DLC1: variants seen among roughly 807,000 people sequenced by gnomAD.
The protein encoded by DLC1 is DLC1 Rho GTPase activating protein, also known as rho GTPase-activating protein 7.
Under a neutral mutation model 140.3 loss-of-function variants are expected in DLC1, and 54 were observed. The ratio of observed to expected loss-of-function variants is 0.38; its 90% CI spans 0.31 to 0.48. The LOEUF is 0.48. DLC1 is among the 20% of genes least tolerant of loss of function. The pLI is 0.96. For synonymous variants in DLC1, 986 were observed against 728.1 expected (o/e 1.35, Z -5.70); for missense variants, 2,536 against 1,907.0 (o/e 1.33, Z -6.14).
At chr8:13,198,466 T>C (rs556936583) in intron 5 of DLC1, among the ~76,000 whole-genome samples, 56 of 152,356 alleles carry the variant, frequency 3.7e-4, no homozygotes, top group African/African-American at 1.3e-3. Context: ...AAAGAATGTT[T>C]GTTTGTTTTC....
chr8:13,131,769 A>T (rs1028271056), intron 5 of DLC1, among the ~76,000 whole-genome samples: 1 of 152,140 alleles, frequency 6.6e-6, no homozygotes. Flanking sequence ...CAGATGAAGG[A>T]GGCACAGCGA....
chr8:13,575,824 C>G (rs1426336880), intron 1 of DLC1, among the ~76,000 whole-genome samples: 1 of 152,128 alleles, frequency 6.6e-6, no homozygotes, highest in Non-Finnish European at 1.5e-5. Context: ...TCATTATGAA[C>G]AATATCTGGA....
At chr8:13,356,030 C>T (rs540993909) in intron 4 of DLC1, among the ~76,000 whole-genome samples, 1 of 122,452 alleles carries the variant, frequency 8.2e-6, no homozygotes, top group Non-Finnish European at 1.6e-5. Context: ...GCGGAGGTTG[C>T]AGTGAGCCGG....
At chr8:13,510,199 A>G (rs1585226035) in intron 1 of DLC1, among the ~76,000 whole-genome samples, 1 of 144,650 alleles carries the variant, frequency 6.9e-6, no homozygotes, top group East Asian at 2.0e-4. Flanking sequence ...CCTGAGATGA[A>G]GTTTTGCTCT....
chr8:13,098,694 C>A, intron 9 of DLC1, 119 bp from the exon 10 acceptor site: 1 of 1,068,622 alleles, frequency 9.4e-7, no homozygotes, highest in Non-Finnish European at 1.3e-6. Context: ...CAGCTCACTG[C>A]AGCCTTGAAC....
chr8:13,336,414 G>A (rs1833812798), intron 4 of DLC1, among the ~76,000 whole-genome samples: 2 of 152,130 alleles, frequency 1.3e-5, no homozygotes, highest in African/African-American at 4.8e-5. Context: ...CACAATTCCA[G>A]GAGAAAGTTT....
chr8:13,298,255 C>T (rs1279412099), intron 5 of DLC1, among the ~76,000 whole-genome samples: 1 of 152,154 alleles, frequency 6.6e-6, no homozygotes, highest in Non-Finnish European at 1.5e-5. Flanking sequence ...AGGAAAGCAA[C>T]CAAAGTCAGG....
chr8:13,213,611 C>T (rs1828052403), intron 5 of DLC1, among the ~76,000 whole-genome samples: 1 of 152,174 alleles, frequency 6.6e-6, no homozygotes, highest in Non-Finnish European at 1.5e-5. Flanking sequence ...AAAGAAACCA[C>T]ATAGCAGCTT....
intron 5 of DLC1, chr8:13,214,643 C>T: frequency 1.3e-6 from 1 of 770,920 alleles, no homozygotes. Context: ...ATGTTTTCTT[C>T]TCCAGCAACA....
intron 5 of DLC1, among the ~76,000 whole-genome samples, chr8:13,181,469 A>G (rs911832095): frequency 6.6e-6 from 1 of 151,098 alleles, no homozygotes; most frequent in Non-Finnish European, 1.5e-5. Context: ...TATTTCTCCT[A>G]ATGCTATCCC....
chr8:13,212,093 A>G (rs375040607), intron 5 of DLC1, among the ~76,000 whole-genome samples: 11 of 152,314 alleles, frequency 7.2e-5, no homozygotes, highest in African/African-American at 2.6e-4. Context: ...TCAACAAGTT[A>G]TGTTATAAAT....
At chr8:13,205,683 A>G (rs60552429) in intron 5 of DLC1, among the ~76,000 whole-genome samples, 2 of 152,232 alleles carry the variant, frequency 1.3e-5, no homozygotes, top group African/African-American at 2.4e-5. Flanking sequence ...GCTGCATTCA[A>G]AGCTGTCTTG....
chr8:13,089,400 G>A (rs1351509136), intron 15 of DLC1, among the ~76,000 whole-genome samples: 1 of 151,906 alleles, frequency 6.6e-6, no homozygotes, highest in Non-Finnish European at 1.5e-5. Context: ...GGCCAAGGTG[G>A]GCAGTCACAA....
rs1186857666 is a variant in DLC1, at chr8:13,094,925, G to C, written c.3360C>G (p.Ser1120=). Residue 1120 remains serine, a synonymous_variant, in exon 12 of 18, where the codon TCC becomes TCG. Coordinates refer to ENST00000276297, the MANE Select transcript of DLC1 (RefSeq NM_182643.3). ...TCATCTGGCGCAGAGCCTGAATCCG[G>C]GACTTGACCCCCGATTTTCTGAAGA... The part of the protein sequence containing the change: ...VGLFRKSGVK[S]RIQALRQMNE... The C allele has an allele frequency of 5.0e-6, 8 of 1,614,174 alleles. No homozygotes were observed. The highest frequency in any genetic ancestry group is 6.8e-6 in the Non-Finnish European group (8 of 1,180,036).
chr8:13,547,489 A>T (rs760331867), intron 1 of DLC1, among the ~76,000 whole-genome samples: 8 of 152,012 alleles, frequency 5.3e-5, no homozygotes, highest in Non-Finnish European at 1.2e-4. Context: ...GTCTTAAGGG[A>T]TACTCTTCAG....
intron 4 of DLC1, among the ~76,000 whole-genome samples, chr8:13,342,910 A>G (rs1482818664): frequency 6.6e-6 from 1 of 151,978 alleles, no homozygotes. Flanking sequence ...TCCTAATACA[A>G]CATACATCAA....
At chr8:13,365,695 T>G (rs925875146) in intron 4 of DLC1, among the ~76,000 whole-genome samples, 1 of 152,138 alleles carries the variant, frequency 6.6e-6, no homozygotes, top group Admixed American at 6.5e-5. Context: ...CACTGCATAT[T>G]TAGCAGCACA....
intron 4 of DLC1, among the ~76,000 whole-genome samples, chr8:13,316,088 C>T (rs1192218063): frequency 1.3e-5 from 2 of 152,224 alleles, no homozygotes; most frequent in African/African-American, 4.8e-5. Context: ...GCAGGTTGCG[C>T]ACTGGCTTAA....
chr8:13,332,434 C>CTTTTTTT (rs5889435), intron 4 of DLC1, among the ~76,000 whole-genome samples: 1 of 148,116 alleles, frequency 6.8e-6, no homozygotes, highest in Non-Finnish European at 1.5e-5. Flanking sequence ...TTTCTTTTGT[C>CTTTTTTT]TTTTTTTTTT....
Sources: allele counts gnomAD v4.1 joint callset (sites outside exome capture counted in the v4.1 genomes callset), GRCh38; gene constraint gnomAD v4.1.1; transcripts MANE v1.5; gene names NCBI Gene and HGNC (gene_info 2026-07-23, HGNC 2026-07-21).